The following DNAH7 variants were observed in gnomAD, a reference collection of about 807,000 sequenced individuals.
DNAH7 encodes the protein axonemal beta dynein heavy chain 7.
In DNAH7, 397 loss-of-function variants were observed where a neutral mutation model predicts 444.6. That is an observed-to-expected ratio of 0.89 (90% CI 0.82 to 0.97). The LOEUF is 0.97. DNAH7 is among the 50% of genes least tolerant of loss of function. The probability of loss-of-function intolerance (pLI) is 0.00; values close to 1 mark genes in which losing one functional copy is unlikely to be tolerated. For synonymous variants in DNAH7, 1,636 were observed against 1,624.4 expected, an observed-to-expected ratio of 1.01 and a Z score of -0.17; for missense variants, 4,902 against 4,800.8, an observed-to-expected ratio of 1.02 and a Z score of -0.62.
rs1167009413 is a variant in DNAH7 at position 195,816,790 on chromosome 2, C to CGG, written c.9597_9598dup (p.Arg3200ProfsTer22). 2 of 1,614,090 alleles carry CGG rather than the reference C, an allele frequency of 1.2e-6. No homozygotes were observed. The highest frequency in any genetic ancestry group is 1.7e-6 in the Non-Finnish European group (2 of 1,179,996). ...GATGGCAATAGGACGATAGCCCATG[C>CGG]GGGTGGTGTCAATCTTTTTCTCTGT... On this transcript the variant is annotated frameshift_variant, in exon 51 of 65. Coordinates refer to ENST00000312428, the MANE Select transcript of DNAH7 (RefSeq NM_018897.3). LOFTEE classifies it high-confidence loss of function.
chr2:195,853,441 G>C lies in DNAH7; in HGVS notation c.8683C>G (p.Leu2895Val). ...GEKTRWSHTA[L>V]ELGQLYINLT... Reference sequence around the variant, plus strand: ...TTGATGTACAGCTGACCTAGCTCCAGAGCTGTGTGGCTCCATCGAGTTTTC... The same window carrying C: ...TTGATGTACAGCTGACCTAGCTCCACAGCTGTGTGGCTCCATCGAGTTTTC... The change falls in exon 46 of 65, where the codon CTG becomes GTG. Residue 2895 changes from leucine (L) to valine (V), a missense_variant. By Grantham distance (32) the Leu-to-Val change is conservative. Transcript: ENST00000312428. The C allele has an allele frequency of 6.2e-7, 1 of 1,614,098 alleles. No individual in the cohort carries two copies. The highest frequency in any genetic ancestry group is 8.5e-7 in the Non-Finnish European group (1 of 1,180,010).
intron 40 of DNAH7, among the ~76,000 whole-genome samples, chr2:195,866,300 G>A (rs571942201): frequency 2.0e-5 from 3 of 151,854 alleles, no homozygotes; most frequent in African/African-American, 7.2e-5. Flanking sequence ...AGGAATCGTG[G>A]TTTTAGTGTA....
At chr2:196,009,749 G>A (rs1351236722) in intron 10 of DNAH7, among the ~76,000 whole-genome samples, 2 of 152,130 alleles carry the variant, frequency 1.3e-5, no homozygotes, top group Non-Finnish European at 2.9e-5. Flanking sequence ...AAAAATGTTT[G>A]CAAACTATTC....
In DNAH7 at chr2:195,922,101, C is replaced by T. The variant is rs773295727; in HGVS notation, c.3922G>A (p.Asp1308Asn). 6.3e-7 allele frequency: 1 copy of T among 1,595,098 alleles called. No individual in the cohort carries two copies. ...TAAAGGGTTTACCTGTAACATCTATCCGTGAGTGGTGTAATAACCAGCCTA... is the reference window on the plus strand; with the variant it reads ...TAAAGGGTTTACCTGTAACATCTATTCGTGAGTGGTGTAATAACCAGCCTA... ...SPRLVITPLT[D>N]RCYRTLFGAL... is the part of the protein sequence containing the mutation. Residue 1308 changes from aspartate to asparagine, a missense_variant, in exon 24 of 65, where the codon GAT becomes AAT. Transcript: ENST00000312428.
chr2:195,809,673 C>A, intron 52 of DNAH7, 72 bp downstream of exon 52: 1 of 1,305,268 alleles, frequency 7.7e-7, no homozygotes, highest in Non-Finnish European at 1.0e-6. Flanking sequence ...ATATATATTC[C>A]CATACAAATT....
intron 10 of DNAH7, among the ~76,000 whole-genome samples, chr2:196,006,618 G>T (rs988637911): frequency 6.6e-6 from 1 of 150,760 alleles, no homozygotes; most frequent in East Asian, 1.9e-4. Flanking sequence ...GTCTCTATTT[G>T]CAGATGATAT....
At chr2:195,816,274 A>G (rs112968602) in intron 51 of DNAH7, among the ~76,000 whole-genome samples, 204 of 152,318 alleles carry the variant, frequency 1.3e-3, no homozygotes, top group African/African-American at 4.8e-3. Context: ...TGAATTTGCA[A>G]CTTTTAGAAT....
chr2:196,024,681 A>C (rs1695575304), intron 7 of DNAH7, among the ~76,000 whole-genome samples, 177 bp from the exon 8 acceptor site: 1 of 152,138 alleles, frequency 6.6e-6, no homozygotes. Context: ...TTACAAGAAA[A>C]TGTATCATGT....
intron 57 of DNAH7, among the ~76,000 whole-genome samples, chr2:195,793,830 C>T (rs574021500): frequency 9.9e-5 from 15 of 152,254 alleles, no homozygotes; most frequent in South Asian, 8.3e-4. Context: ...CAGACATTCA[C>T]GTACACAATT....
At chr2:195,772,927 A>G (rs1372696976) in intron 60 of DNAH7, among the ~76,000 whole-genome samples, 1 of 151,506 alleles carries the variant, frequency 6.6e-6, no homozygotes, top group Non-Finnish European at 1.5e-5. Context: ...ATTATAGGGG[A>G]CTGCTACCAC....
intron 10 of DNAH7, among the ~76,000 whole-genome samples, chr2:196,006,306 C>CA (rs1176100958): frequency 6.6e-6 from 1 of 151,564 alleles, no homozygotes; most frequent in Non-Finnish European, 1.5e-5. Flanking sequence ...GCCCTGTCTC[C>CA]AAAAAAAGAC....
chr2:196,036,750 C>G (rs1283816004), intron 5 of DNAH7, among the ~76,000 whole-genome samples: 3 of 152,190 alleles, frequency 2.0e-5, no homozygotes, highest in African/African-American at 7.2e-5. Flanking sequence ...ACTCAAGGAC[C>G]AACCTGCCTT....
chr2:195,793,370 A>G (rs545648782), intron 57 of DNAH7, among the ~76,000 whole-genome samples: 1 of 152,326 alleles, frequency 6.6e-6, no homozygotes, highest in East Asian at 1.9e-4. Flanking sequence ...TGTGTTTCAT[A>G]AATTCCTGGA....
At chr2:195,988,535 T>C (rs1012092802) in intron 12 of DNAH7, among the ~76,000 whole-genome samples, 5 of 152,052 alleles carry the variant, frequency 3.3e-5, no homozygotes, top group South Asian at 4.1e-4. Flanking sequence ...CAGCAAGATA[T>C]ACATTTTTAA....
In DNAH7 at chr2:195,816,928, A is replaced by G. The variant is rs2124889916; in HGVS notation, c.9461T>C (p.Val3154Ala). Reference sequence around the variant, plus strand: ...TATATTGCCTTCCGAAGATGAAAGAACTTCTAAAATCTTGTCTTCTATTTC... The same window carrying G: ...TATATTGCCTTCCGAAGATGAAAGAGCTTCTAAAATCTTGTCTTCTATTTC... ...LKEIEDKILE[V>A]LSSSEGNILE... is the part of the protein sequence containing the mutation. Residue 3154 changes from valine to alanine, a missense_variant, in exon 51 of 65, where the codon GTT becomes GCT. Coordinates refer to ENST00000312428, the MANE Select transcript of DNAH7 (RefSeq NM_018897.3). 1 of 1,606,646 alleles carries G rather than the reference A, an allele frequency of 6.2e-7. No individual in the cohort carries two copies. Among genetic ancestry groups the G allele is most frequent in the East Asian group, 2.2e-5 (1 of 44,740 alleles).
At chr2:195,828,611 T>TATATATA (rs1491404849) in intron 48 of DNAH7, among the ~76,000 whole-genome samples, 54 of 69,370 alleles carry the variant, frequency 7.8e-4, no homozygotes, top group African/African-American at 2.4e-3. Flanking sequence ...TATATATATA[T>TATATATA]TTTTTTTTTT....
In DNAH7 at chr2:195,771,685, C is replaced by T. The variant is rs778124013; in HGVS notation, c.11408G>A (p.Cys3803Tyr). The change falls in exon 61 of 65, where the codon TGC becomes TAC. Residue 3803 changes from cysteine to tyrosine, a missense_variant. Cys to Tyr is a radical substitution (Grantham distance 194, BLOSUM62 -2). Transcript: ENST00000312428. ...CTTGATTGCTTTTTGAATATTTACGCACGAATCTCTTATGGTCTTCAGTAA... is the reference window on the plus strand; with the variant it reads ...CTTGATTGCTTTTTGAATATTTACGTACGAATCTCTTATGGTCTTCAGTAA... ...NKLLKTIRDSCVNIQKAIKGL... is the reference protein window; with the variant it reads ...NKLLKTIRDSYVNIQKAIKGL... The T allele has an allele frequency of 6.2e-7, 1 of 1,613,580 alleles. No individual in the cohort carries two copies. Among genetic ancestry groups the T allele is most frequent in the Admixed American group, 1.7e-5 (1 of 60,006 alleles).
chr2:195,807,433 C>G (rs1490872758), intron 53 of DNAH7, among the ~76,000 whole-genome samples: 1 of 152,180 alleles, frequency 6.6e-6, no homozygotes, highest in Non-Finnish European at 1.5e-5. Context: ...GCTGGGATTA[C>G]AGGTATGAGC....
rs1701407342 is a variant in DNAH7, at chr2:195,881,935, T to C, written c.5821A>G (p.Lys1941Glu). The change falls in exon 36 of 65, where the codon AAA becomes GAA. Residue 1941 changes from lysine (K) to glutamate (E), a missense_variant. Physicochemically the swap from Lys to Glu is moderately conservative, Grantham distance 56. Transcript: ENST00000312428. ...ATGATTTCATTAAACATTACATCTT[T>C]AGGAATTGGAGGAGCTTCTTTCAAT... ...KKLKEAPPIP[K>E]DVMFNEIIVP... 1 of 1,614,034 alleles carries C rather than the reference T, an allele frequency of 6.2e-7. No individual in the cohort carries two copies. The highest frequency in any genetic ancestry group is 8.5e-7 in the Non-Finnish European group (1 of 1,179,936).
Sources: gnomAD v4.1 joint callset for allele counts (sites outside exome capture counted in the v4.1 genomes callset) on GRCh38, gnomAD v4.1.1 for gene constraint, MANE v1.5 for transcripts, NCBI Gene and HGNC (gene_info 2026-07-23, HGNC 2026-07-21) for gene names.